VTI1A: variants seen among roughly 807,000 people sequenced by gnomAD.
The protein encoded by VTI1A is vesicle transport through interaction with t-SNAREs homolog 1A.
In VTI1A, 22 loss-of-function variants were observed where a neutral mutation model predicts 34.9. The ratio of observed to expected loss-of-function variants is 0.63; its 90% CI spans 0.45 to 0.90. The LOEUF (loss-of-function observed/expected upper bound fraction) is 0.90, where lower values mean the gene tolerates loss of function less well. VTI1A is among the 40% of genes least tolerant of loss of function. VTI1A has a pLI of 0.00. For synonymous variants in VTI1A, 87 were observed against 97.3 expected (o/e 0.89, Z 0.62); for missense variants, 268 against 275.6 (o/e 0.97, Z 0.20).
At chr10:112,761,211 A>G (rs907573864) in intron 7 of VTI1A, among the ~76,000 whole-genome samples, 8 of 152,162 alleles carry the variant, frequency 5.3e-5, no homozygotes, top group Admixed American at 1.3e-4. Flanking sequence ...GAAAATTGCA[A>G]TGCCATGCCC....
intron 5 of VTI1A, among the ~76,000 whole-genome samples, chr10:112,605,972 C>A (rs896073390): frequency 6.6e-6 from 1 of 151,956 alleles, no homozygotes; most frequent in African/African-American, 2.4e-5. Context: ...TCAAACAAAA[C>A]AAGACCACAT....
chr10:112,594,892 C>A (rs1046455030), intron 5 of VTI1A, among the ~76,000 whole-genome samples: 3 of 151,374 alleles, frequency 2.0e-5, no homozygotes, highest in African/African-American at 7.3e-5. Context: ...GAGGCATCAC[C>A]CTACCTGACT....
At chr10:112,795,288 C>T (rs1482804457) in intron 7 of VTI1A, among the ~76,000 whole-genome samples, 1 of 152,166 alleles carries the variant, frequency 6.6e-6, no homozygotes, top group African/African-American at 2.4e-5. Context: ...AAAATGGGAA[C>T]ATTGACACCT....
chr10:112,803,698 G>A (rs1299971591), intron 7 of VTI1A, among the ~76,000 whole-genome samples: 2 of 152,160 alleles, frequency 1.3e-5, no homozygotes, highest in Admixed American at 1.3e-4. Context: ...CCCAGGAGGT[G>A]AAGGCTGCAG....
At chr10:112,511,451 C>T (rs115881644) in intron 3 of VTI1A, among the ~76,000 whole-genome samples, 1,874 of 152,118 alleles carry the variant, frequency 0.012, 41 homozygotes, top group African/African-American at 0.043. Flanking sequence ...ACCATGTTGG[C>T]CAAGGATGGT....
At chr10:112,722,025 G>A (rs1445541837) in intron 7 of VTI1A, among the ~76,000 whole-genome samples, 1 of 152,126 alleles carries the variant, frequency 6.6e-6, no homozygotes, top group Admixed American at 6.5e-5. Context: ...AGTTAAGAGA[G>A]TAAGCTGGTT....
intron 3 of VTI1A, among the ~76,000 whole-genome samples, chr10:112,496,191 C>G (rs1249571316): frequency 2.6e-5 from 3 of 114,250 alleles, no homozygotes; most frequent in South Asian, 4.2e-4. Context: ...GGAGACCCCC[C>G]CCCCCCCCCC....
intron 5 of VTI1A, among the ~76,000 whole-genome samples, chr10:112,614,529 A>G (rs537148859): frequency 1.3e-5 from 2 of 152,314 alleles, no homozygotes; most frequent in East Asian, 3.9e-4. Context: ...TTATCTTTAA[A>G]AGGGGATTCT....
chr10:112,745,708 C>T (rs888386304), intron 7 of VTI1A, among the ~76,000 whole-genome samples: 2 of 152,196 alleles, frequency 1.3e-5, no homozygotes, highest in African/African-American at 4.8e-5. Flanking sequence ...GAAAGTCAGT[C>T]GTCCTAACCA....
In VTI1A at chr10:112,685,204, C is replaced by T. The variant is rs183591056; in HGVS notation, c.560+16206C>T. On this transcript the variant is annotated intron_variant, in intron 7 of 7. Transcript: ENST00000393077. ...AAGTCTTCCCTCTACCTACCAGAAG[C>T]GGTTTTTTAAAAATCATGTCTTGGA... Among the ~76,000 whole-genome samples the T allele has an allele frequency of 8.5e-5, 13 of 152,244 alleles. 1 individual carries two copies. In the Middle Eastern group the frequency reaches 0.014, roughly 159 times the overall value.
intron 7 of VTI1A, among the ~76,000 whole-genome samples, chr10:112,762,533 C>A (rs1481331499): frequency 3.9e-5 from 6 of 152,308 alleles, no homozygotes; most frequent in African/African-American, 1.4e-4. Context: ...ATATTAGTTT[C>A]TGCAAGTATA....
At chr10:112,626,752 G>A (rs1845938843) in intron 5 of VTI1A, among the ~76,000 whole-genome samples, 1 of 152,158 alleles carries the variant, frequency 6.6e-6, no homozygotes, top group Admixed American at 6.5e-5. Context: ...CAGGTACATT[G>A]GGGATGACTT....
intron 5 of VTI1A, among the ~76,000 whole-genome samples, chr10:112,577,736 G>C (rs1292403064): frequency 6.6e-6 from 1 of 152,230 alleles, no homozygotes; most frequent in Non-Finnish European, 1.5e-5. Context: ...CTGGGAGATG[G>C]ACAAGCTGGA....
intron 7 of VTI1A, among the ~76,000 whole-genome samples, chr10:112,757,351 ATTTTTTT>A (rs1175362768): frequency 3.4e-3 from 139 of 40,676 alleles, no homozygotes; most frequent in African/African-American, 0.011. Flanking sequence ...TGTTGCTGTG[ATTTTTTT>A]TTTTTTTTTT....
At chr10:112,517,496 A>G (rs1849825342) in intron 3 of VTI1A, among the ~76,000 whole-genome samples, 1 of 152,108 alleles carries the variant, frequency 6.6e-6, no homozygotes, top group Non-Finnish European at 1.5e-5. Context: ...CCTAATTCCC[A>G]ACTCCTTACC....
chr10:112,836,955 A>G, the VTI1A span, among the ~76,000 whole-genome samples: 24 of 152,324 alleles, frequency 1.6e-4, no homozygotes, highest in African/African-American at 5.3e-4. Flanking sequence ...TATCCCTCCA[A>G]GGATCTTCAG....
chr10:112,829,488 C>T, the VTI1A span, among the ~76,000 whole-genome samples: 7 of 149,266 alleles, frequency 4.7e-5, no homozygotes, highest in Non-Finnish European at 8.9e-5. Context: ...CGGTGGCTCA[C>T]GCCTATAATC....
chr10:112,467,496 A>T (rs1438884803), intron 3 of VTI1A, among the ~76,000 whole-genome samples: 1 of 152,118 alleles, frequency 6.6e-6, no homozygotes, highest in East Asian at 1.9e-4. Flanking sequence ...ACCTCATAAT[A>T]TTTTAGGAAA....
At chr10:112,606,398 C>CTGCT (rs2134493704) in intron 5 of VTI1A, among the ~76,000 whole-genome samples, 1 of 152,264 alleles carries the variant, frequency 6.6e-6, no homozygotes, top group South Asian at 2.1e-4. Context: ...CCGTGGTGTG[C>CTGCT]TGCTCCTCCC....
Sources: gnomAD v4.1 joint callset for allele counts (sites outside exome capture counted in the v4.1 genomes callset) on GRCh38, gnomAD v4.1.1 for gene constraint, MANE v1.5 for transcripts, NCBI Gene and HGNC (gene_info 2026-07-23, HGNC 2026-07-21) for gene names.